The following AGPAT3 variants were observed in gnomAD, a reference collection of about 807,000 sequenced individuals.
The protein encoded by AGPAT3 is 1-acylglycerol-3-phosphate O-acyltransferase 3.
AGPAT3 carries 5 observed loss-of-function variants against 47.3 expected under a neutral mutation model. That is an observed-to-expected ratio of 0.11 (90% CI 0.06 to 0.22). The LOEUF (loss-of-function observed/expected upper bound fraction) is 0.22, where lower values mean the gene tolerates loss of function less well. Among genes scored for constraint, AGPAT3 ranks in the 10% least tolerant of loss-of-function variants. The probability of loss-of-function intolerance (pLI) is 1.00; values close to 1 mark genes in which losing one functional copy is unlikely to be tolerated. For synonymous variants in AGPAT3, 212 were observed against 208.3 expected, an observed-to-expected ratio of 1.02 and a Z score of -0.15; for missense variants, 315 against 493.0, an observed-to-expected ratio of 0.64 and a Z score of 3.42.
chr21:43,896,167 A>G (rs1160366451), intron 1 of AGPAT3, among the ~76,000 whole-genome samples: 1 of 152,160 alleles, frequency 6.6e-6, no homozygotes. Flanking sequence ...GCTTCCCAAA[A>G]TGTTGGGATT....
intron 1 of AGPAT3, among the ~76,000 whole-genome samples, chr21:43,893,418 A>G (rs368218630): frequency 6.6e-6 from 1 of 152,322 alleles, no homozygotes; most frequent in East Asian, 1.9e-4. Flanking sequence ...CTTTCTCCAT[A>G]TCAGCAATAA....
intron 1 of AGPAT3, among the ~76,000 whole-genome samples, chr21:43,874,801 T>C (rs908401271): frequency 2.0e-5 from 3 of 152,220 alleles, no homozygotes; most frequent in African/African-American, 7.2e-5. Flanking sequence ...AAGTATCATG[T>C]CTTTCAGCAA....
chr21:43,875,230 C>T lies in AGPAT3; in HGVS notation c.-112+9885C>T, dbSNP rs193200761. Among the ~76,000 whole-genome samples, 65 of 152,292 alleles carry T rather than the reference C, an allele frequency of 4.3e-4. No homozygotes were observed. In the East Asian group the frequency reaches 8.3e-3, roughly 19 times the overall value. On this transcript the variant is annotated intron_variant, in intron 1 of 9. Coordinates refer to ENST00000291572, the MANE Select transcript of AGPAT3 (RefSeq NM_020132.5). ...CTCTGACCTCATGATCTGCCCTCCT[C>T]GGCCTCCCTCCCGTGTATTTTTAAA... is the stretch of plus-strand genomic sequence containing the variant.
rs114275304 is a variant in AGPAT3 at position 43,981,815 on chromosome 21, G to A, written c.1043-489G>A. 0.013 allele frequency among the ~76,000 whole-genome samples: 1,929 copies of A among 152,242 alleles called. 36 individuals are homozygous for A. The highest frequency in any genetic ancestry group is 0.041 in the African/African-American group (1,699 of 41,536). On this transcript the variant is annotated intron_variant, in intron 9 of 9. Coordinates refer to ENST00000291572, the MANE Select transcript of AGPAT3 (RefSeq NM_020132.5). The surrounding 1 kb of genome is among the most constrained non-coding windows in gnomAD (Gnocchi z 5.3). ...GGCCAGCTCCTCCCCTGCTCCTGCC[G>A]CCCCTGCCAGGGGCCTTGGTGGGAG...
rs1334756380 is a variant in AGPAT3, at chr21:43,934,847, CACAT to C, written c.-48-24786_-48-24783del. ...TACCCCTCACGTCACCGACGCCACT[CACAT>C]GCCACTCACATGCCATTGACACGCC... On this transcript the variant is annotated intron_variant, in intron 2 of 9. Transcript: ENST00000291572. This position sits in a 1 kb window ranked among gnomAD's most constrained non-coding sequence, Gnocchi z 4.7. Among the ~76,000 whole-genome samples the C allele has an allele frequency of 6.6e-6, 1 of 151,106 alleles. No homozygotes were observed. Among genetic ancestry groups the C allele is most frequent in the East Asian group, 1.9e-4 (1 of 5,146 alleles).
At chr21:43,980,741 A>G (rs1292290813) in intron 8 of AGPAT3, among the ~76,000 whole-genome samples, 1 of 151,874 alleles carries the variant, frequency 6.6e-6, no homozygotes, top group Non-Finnish European at 1.5e-5. Context: ...TTGACCGATT[A>G]TTTTCCTGGG....
chr21:43,883,277 G>C (rs2085894426), intron 1 of AGPAT3, among the ~76,000 whole-genome samples: 1 of 152,240 alleles, frequency 6.6e-6, no homozygotes, highest in Non-Finnish European at 1.5e-5. Context: ...AGCCAGAGGA[G>C]CCCAGAGTCC....
At chr21:43,936,211 C>G (rs1446909118) in intron 2 of AGPAT3, among the ~76,000 whole-genome samples, 1 of 152,246 alleles carries the variant, frequency 6.6e-6, no homozygotes, top group African/African-American at 2.4e-5. Flanking sequence ...GAAGCAAAAG[C>G]AGGGAGAGGG....
At chr21:43,905,006 T>C (rs2086454482) in intron 2 of AGPAT3, among the ~76,000 whole-genome samples, 1 of 151,994 alleles carries the variant, frequency 6.6e-6, no homozygotes, top group Non-Finnish European at 1.5e-5. Context: ...ATGAGCAAGA[T>C]TGAAGTGACC....
chr21:43,875,821 T>C (rs1177932183), intron 1 of AGPAT3, among the ~76,000 whole-genome samples: 1 of 152,254 alleles, frequency 6.6e-6, no homozygotes, highest in Non-Finnish European at 1.5e-5. Context: ...TTGGCCAGGC[T>C]GGTCTCAAAT....
chr21:43,887,480 A>G (rs190497309), intron 1 of AGPAT3, among the ~76,000 whole-genome samples: 1 of 152,326 alleles, frequency 6.6e-6, no homozygotes, highest in East Asian at 1.9e-4. Context: ...GTGATGATGA[A>G]GAAGGCCTTA....
In AGPAT3 at chr21:43,932,739, C is replaced by A. The variant is rs1461934929; in HGVS notation, c.-48-26895C>A. On this transcript the variant is annotated intron_variant, in intron 2 of 9. Coordinates refer to ENST00000291572, the MANE Select transcript of AGPAT3 (RefSeq NM_020132.5). This position sits in a 1 kb window ranked among gnomAD's most constrained non-coding sequence, Gnocchi z 5.2. The stretch of plus-strand genomic sequence containing the variant: ...GGTCTCGGCTCACTGCAAGCTCCGC[C>A]TCTTGGGTTCAAGCGATTCTTTTGC... Among the ~76,000 whole-genome samples the A allele has an allele frequency of 6.6e-6, 1 of 152,246 alleles. No homozygotes were observed. The highest frequency in any genetic ancestry group is 1.5e-5 in the Non-Finnish European group (1 of 68,044).
At chr21:43,928,183 C>T (rs1661358232) in intron 2 of AGPAT3, among the ~76,000 whole-genome samples, 1 of 152,202 alleles carries the variant, frequency 6.6e-6, no homozygotes, top group South Asian at 2.1e-4. Context: ...CAATAAGAAG[C>T]GACGGTTTCA....
chr21:43,950,232 C>T (rs1470580340), intron 2 of AGPAT3, among the ~76,000 whole-genome samples: 5 of 152,234 alleles, frequency 3.3e-5, no homozygotes, highest in African/African-American at 1.2e-4. Context: ...TCACTATCAA[C>T]TCTAGTTCCT....
chr21:43,962,435 G>T (rs965868736), intron 3 of AGPAT3, among the ~76,000 whole-genome samples: 2 of 152,116 alleles, frequency 1.3e-5, no homozygotes, highest in Non-Finnish European at 2.9e-5. Context: ...ATACAAAAAG[G>T]GCAAATATTA....
intron 2 of AGPAT3, among the ~76,000 whole-genome samples, chr21:43,921,672 C>CGCT (rs1019896642): frequency 6.6e-6 from 1 of 152,152 alleles, no homozygotes; most frequent in African/African-American, 2.4e-5. Flanking sequence ...AGCCCTGGAG[C>CGCT]GCTTGTTAGT....
Position 43,939,475 on chromosome 21 carries a change from T to A in AGPAT3, c.-48-20159T>A, listed in dbSNP as rs1369775786. On this transcript the variant is annotated intron_variant, in intron 2 of 9. Coordinates refer to ENST00000291572, the MANE Select transcript of AGPAT3 (RefSeq NM_020132.5). The surrounding 1 kb of genome is among the most constrained non-coding windows in gnomAD (Gnocchi z 4.4). Reference sequence around the variant, plus strand: ...GTGACATGGAGGGACGTGCCTGACTTCTGGAGGATAAGAGGCGGCCCACCC... The same window carrying A: ...GTGACATGGAGGGACGTGCCTGACTACTGGAGGATAAGAGGCGGCCCACCC... Among the ~76,000 whole-genome samples, 1 of 152,106 alleles carries A rather than the reference T, an allele frequency of 6.6e-6. No individual in the cohort carries two copies. The highest frequency in any genetic ancestry group is 2.4e-5 in the African/African-American group (1 of 41,408).
At chr21:43,976,171 A>G (rs1412795105) in intron 7 of AGPAT3, among the ~76,000 whole-genome samples, 1 of 152,092 alleles carries the variant, frequency 6.6e-6, no homozygotes, top group Non-Finnish European at 1.5e-5. Flanking sequence ...GGTTCTAGCA[A>G]TTCTCCTGTC....
Position 43,969,144 on chromosome 21 carries a change from G to T in AGPAT3, c.375G>T (p.Glu125Asp). The stretch of plus-strand genomic sequence containing the variant: ...GCTCCAAGGTCCTCGCTAAGAAGGA[G>T]CTGCTCTACGTGCCCCTCATCGGCT... The part of the protein sequence containing the change: ...LGSSKVLAKK[E>D]LLYVPLIGWT... Residue 125 changes from glutamate to aspartate, a missense_variant, in exon 5 of 10, where the codon GAG (glutamate) becomes GAT (aspartate). By Grantham distance (45) the Glu-to-Asp change is conservative (BLOSUM62 2). Coordinates refer to ENST00000291572, the MANE Select transcript of AGPAT3 (RefSeq NM_020132.5). The T allele has an allele frequency of 6.2e-7, 1 of 1,614,208 alleles. No individual in the cohort carries two copies. Among genetic ancestry groups the T allele is most frequent in the South Asian group, 1.1e-5 (1 of 91,088 alleles).
Sources: allele counts gnomAD v4.1 joint callset (sites outside exome capture counted in the v4.1 genomes callset), GRCh38; gene constraint gnomAD v4.1.1; non-coding constraint Gnocchi (gnomAD v3.1); transcripts MANE v1.5; gene names NCBI Gene and HGNC (gene_info 2026-07-23, HGNC 2026-07-21).